Variants in TMPRSS6 observed in about 807,000 individuals in gnomAD.
TMPRSS6 encodes the protein transmembrane serine protease 6, also known as transmembrane protease serine 6.
TMPRSS6 carries 67 observed loss-of-function variants against 101.5 expected under a neutral mutation model. The observed-to-expected ratio is 0.66, with a 90% confidence interval of 0.54 to 0.81. The LOEUF (loss-of-function observed/expected upper bound fraction) is 0.81, where lower values mean the gene tolerates loss of function less well. Among genes scored for constraint, TMPRSS6 ranks in the 30% least tolerant of loss-of-function variants. TMPRSS6 has a pLI of 0.00. For synonymous variants in TMPRSS6, 453 were observed against 464.9 expected (o/e 0.97, Z 0.33); for missense variants, 1,034 against 1,088.7 (o/e 0.95, Z 0.71).
chr22:37,096,218 T>C, intron 4 of TMPRSS6, 128 bp from the exon 5 acceptor site: 1 of 1,074,654 alleles, frequency 9.3e-7, no homozygotes, highest in Non-Finnish European at 1.4e-6. Context: ...CGCAGAAGCC[T>C]CCTAGCGACC....
At position 37,096,018 on chromosome 22, in the gene TMPRSS6, G is replaced by A. The variant is rs182120673; in HGVS notation, c.477C>T (p.Pro159=). Residue 159 remains proline (P), a synonymous_variant, in exon 5 of 18, where the codon CCC becomes CCT. Coordinates refer to ENST00000676104, the MANE Select transcript of TMPRSS6 (RefSeq NM_001374504.1). ...CCACCAGCAGTGCCTGCACCACCTC[G>A]GGGCTCAGCATCAGCCGGCGGTGCT... ...IPEHRRLMLS[P]EVVQALLVEE... 54 of 1,614,204 alleles carry A rather than the reference G, an allele frequency of 3.3e-5. No homozygotes were observed. The highest frequency in any genetic ancestry group is 9.9e-5 in the South Asian group (9 of 91,086).
chr22:37,074,099 C>T (rs187004990), intron 12 of TMPRSS6, among the ~76,000 whole-genome samples: 1 of 152,192 alleles, frequency 6.6e-6, no homozygotes, highest in East Asian at 1.9e-4. Context: ...CTGTGAGATA[C>T]CCCATTTCAC....
intron 6 of TMPRSS6, among the ~76,000 whole-genome samples, chr22:37,092,091 CTT>C (rs11319214): frequency 4.0e-4 from 58 of 143,264 alleles, no homozygotes; most frequent in South Asian, 1.4e-3. Flanking sequence ...AATAATTACC[CTT>C]TTTTTTTTTT....
intron 7 of TMPRSS6, among the ~76,000 whole-genome samples, chr22:37,086,949 T>C (rs962549008): frequency 3.9e-5 from 6 of 152,174 alleles, no homozygotes; most frequent in Admixed American, 3.3e-4. Context: ...AACCGTATCT[T>C]AGACTTCTGG....
At chr22:37,074,747 C>T (rs1436775608) in intron 11 of TMPRSS6, 39 bp from the exon 12 acceptor site, 1 of 1,603,564 alleles carries the variant, frequency 6.2e-7, no homozygotes, top group African/African-American at 1.3e-5. Flanking sequence ...AGGCAGGGCG[C>T]CATTAGGCCA....
intron 7 of TMPRSS6, 112 bp downstream of exon 7, chr22:37,089,465 AG>A: frequency 9.5e-7 from 1 of 1,057,352 alleles, no homozygotes; most frequent in South Asian, 1.4e-5. Flanking sequence ...CCAGATACCC[AG>A]GCCCAAGGTC....
chr22:37,086,218 C>T (rs1928746189), intron 8 of TMPRSS6, 65 bp downstream of exon 8: 1 of 1,608,682 alleles, frequency 6.2e-7, no homozygotes, highest in East Asian at 2.2e-5. Context: ...AGCAGTGAGC[C>T]CAGTGGAGGG....
At chr22:37,086,242 C>T in intron 8 of TMPRSS6, 41 bp downstream of exon 8, 1 of 1,613,900 alleles carries the variant, frequency 6.2e-7, no homozygotes, top group Non-Finnish European at 8.5e-7. Flanking sequence ...TTGGATTCTA[C>T]CACCACCCCT....
At chr22:37,081,651 A>G (rs1312570299) in intron 10 of TMPRSS6, among the ~76,000 whole-genome samples, 1 of 152,060 alleles carries the variant, frequency 6.6e-6, no homozygotes, top group Non-Finnish European at 1.5e-5. Context: ...GAACAGAGAG[A>G]GGGGGAGCTA....
At chr22:37,082,315 C>T (rs1928333221) in intron 10 of TMPRSS6, among the ~76,000 whole-genome samples, 1 of 152,218 alleles carries the variant, frequency 6.6e-6, no homozygotes, top group South Asian at 2.1e-4. Flanking sequence ...CCCCTGAATG[C>T]TGGGGCCCCG....
intron 1 of TMPRSS6, among the ~76,000 whole-genome samples, chr22:37,108,883 G>T (rs1344566612): frequency 6.6e-6 from 1 of 152,190 alleles, no homozygotes; most frequent in Non-Finnish European, 1.5e-5. Flanking sequence ...GAGTGTGGGG[G>T]ACTGGGTGGG....
intron 6 of TMPRSS6, among the ~76,000 whole-genome samples, chr22:37,091,610 C>G (rs530031168): frequency 6.6e-6 from 1 of 152,240 alleles, no homozygotes; most frequent in South Asian, 2.1e-4. Context: ...GAGCCAGTCT[C>G]TGTCCCCAAT....
At chr22:37,072,601 GGATGGATGGATGATGGAC>G (rs1396079993) in intron 13 of TMPRSS6, among the ~76,000 whole-genome samples, 9 of 146,090 alleles carry the variant, frequency 6.2e-5, no homozygotes, top group East Asian at 2.1e-4. Context: ...GATGATGGAT[GGATGGATGGATGATGGAC>G]GATGGATGGA....
At chr22:37,080,339 C>A (rs1441953092) in intron 10 of TMPRSS6, 3 of 152,246 alleles carry the variant, frequency 2.0e-5, no homozygotes, top group Non-Finnish European at 4.4e-5. Flanking sequence ...CCATGGGGGG[C>A]CCACCAGGCC....
chr22:37,104,033 G>A (rs565655278), intron 1 of TMPRSS6, among the ~76,000 whole-genome samples: 24 of 152,236 alleles, frequency 1.6e-4, no homozygotes, highest in South Asian at 8.3e-4. Context: ...TATTCATTTC[G>A]TGCCCTCATG....
chr22:37,083,027 G>C, intron 10 of TMPRSS6: 1 of 471,126 alleles, frequency 2.1e-6, no homozygotes, highest in Non-Finnish European at 4.4e-6. Context: ...AAGAATTCTA[G>C]AGCCCCAGAG....
chr22:37,095,036 C>T (rs1291559473), intron 6 of TMPRSS6, among the ~76,000 whole-genome samples: 1 of 152,156 alleles, frequency 6.6e-6, no homozygotes, highest in Admixed American at 6.5e-5. Context: ...CAAGGTGACT[C>T]TAGCAATACG....
intron 1 of TMPRSS6, among the ~76,000 whole-genome samples, chr22:37,106,334 T>C (rs897323495): frequency 2.0e-5 from 3 of 152,064 alleles, no homozygotes; most frequent in African/African-American, 2.4e-5. Context: ...GTGGGTCCAT[T>C]AGAGGAAGCC....
At chr22:37,073,435 G>A in intron 13 of TMPRSS6, 97 bp downstream of exon 13, 2 of 743,114 alleles carry the variant, frequency 2.7e-6, no homozygotes, top group Admixed American at 1.8e-5. Context: ...GGGGTTGGTG[G>A]GTGTTGAGAG....
Sources: allele counts gnomAD v4.1 joint callset (sites outside exome capture counted in the v4.1 genomes callset), GRCh38; gene constraint gnomAD v4.1.1; transcripts MANE v1.5; gene names NCBI Gene and HGNC (gene_info 2026-07-23, HGNC 2026-07-21).